The following SYNDIG1 variants were observed in gnomAD, a reference collection of about 807,000 sequenced individuals.
SYNDIG1 encodes the protein synapse differentiation inducing 1, also known as synapse differentiation-inducing gene protein 1.
Under a neutral mutation model 19.4 loss-of-function variants are expected in SYNDIG1, and 9 were observed. The observed-to-expected ratio is 0.46, with a 90% CI of 0.28 to 0.81. SYNDIG1 has a LOEUF of 0.81. Among genes scored for constraint, SYNDIG1 ranks in the 30% least tolerant of loss-of-function variants. The probability of loss-of-function intolerance (pLI) is 0.12; values close to 1 mark genes in which losing one functional copy is unlikely to be tolerated. For missense variants in SYNDIG1, 311 were observed against 343.3 expected (o/e 0.91, Z 0.74); for synonymous variants, 141 against 145.9 (o/e 0.97, Z 0.24).
intron 3 of SYNDIG1, among the ~76,000 whole-genome samples, chr20:24,637,879 C>T (rs2059331664): frequency 6.6e-6 from 1 of 152,228 alleles, no homozygotes; most frequent in Non-Finnish European, 1.5e-5. Flanking sequence ...CTGTAGACTC[C>T]TCTGTGTAGT....
intron 3 of SYNDIG1, among the ~76,000 whole-genome samples, chr20:24,651,101 AT>A (rs1425262824): frequency 2.6e-5 from 4 of 152,034 alleles, no homozygotes; most frequent in African/African-American, 7.3e-5. Flanking sequence ...GCCTCCTTAT[AT>A]TCATATGTGT....
At chr20:24,508,234 T>C (rs2056649491) in intron 1 of SYNDIG1, among the ~76,000 whole-genome samples, 2 of 129,494 alleles carry the variant, frequency 1.5e-5, no homozygotes, top group African/African-American at 5.8e-5. Context: ...TTTTTTTTTT[T>C]TTTTTTTTTT....
intron 2 of SYNDIG1, among the ~76,000 whole-genome samples, chr20:24,561,919 T>C (rs1023496884): frequency 1.3e-5 from 2 of 152,268 alleles, no homozygotes; most frequent in African/African-American, 4.8e-5. Context: ...AAAATTAAAT[T>C]ACTCATTTCT....
intron 2 of SYNDIG1, among the ~76,000 whole-genome samples, chr20:24,552,578 C>G (rs1369836562): frequency 6.6e-6 from 1 of 151,648 alleles, no homozygotes; most frequent in East Asian, 1.9e-4. Context: ...TTTGTCCTTG[C>G]AATAGTTTAC....
intron 1 of SYNDIG1, among the ~76,000 whole-genome samples, chr20:24,481,814 A>G (rs1027048864): frequency 6.6e-6 from 1 of 152,198 alleles, no homozygotes; most frequent in African/African-American, 2.4e-5. Flanking sequence ...AAGTCAATTT[A>G]TATCTCCCTA....
rs867374355 is a variant in SYNDIG1 at position 24,614,085 on chromosome 20, A to G, written c.618+29092A>G. ...TCACGGCTCATAGCAGCCTTGCCCT[A>G]TGGGGCTCAATTGATCCTCCTGCCT... On this transcript the variant is annotated intron_variant, in intron 3 of 3. Transcript: ENST00000376862. 2.6e-5 allele frequency among the ~76,000 whole-genome samples: 4 copies of G among 152,294 alleles called. No individual in the cohort carries two copies. In the South Asian group the frequency reaches 6.2e-4, roughly 24 times the overall value.
At chr20:24,531,234 G>C (rs959867661) in intron 1 of SYNDIG1, among the ~76,000 whole-genome samples, 1 of 152,036 alleles carries the variant, frequency 6.6e-6, no homozygotes, top group Non-Finnish European at 1.5e-5. Flanking sequence ...CAATATAATC[G>C]GCATTCGAGT....
At chr20:24,632,310 A>G (rs1421938033) in intron 3 of SYNDIG1, among the ~76,000 whole-genome samples, 1 of 152,230 alleles carries the variant, frequency 6.6e-6, no homozygotes, top group African/African-American at 2.4e-5. Context: ...TGCGATCACA[A>G]CTCACTGCAA....
At chr20:24,637,759 T>C (rs1019414875) in intron 3 of SYNDIG1, among the ~76,000 whole-genome samples, 5 of 152,178 alleles carry the variant, frequency 3.3e-5, no homozygotes, top group Non-Finnish European at 5.9e-5. Context: ...ACCAAGAGCC[T>C]CAGTCACCAC....
chr20:24,562,656 G>C (rs750212970), intron 2 of SYNDIG1, among the ~76,000 whole-genome samples: 3 of 152,142 alleles, frequency 2.0e-5, no homozygotes, highest in Non-Finnish European at 2.9e-5. Context: ...GATAAGAAAA[G>C]GGGTGCTGGC....
intron 1 of SYNDIG1, among the ~76,000 whole-genome samples, chr20:24,528,750 A>G (rs1488789184): frequency 1.3e-5 from 2 of 152,188 alleles, no homozygotes; most frequent in Non-Finnish European, 2.9e-5. Flanking sequence ...CATCCAAACC[A>G]TTAGCAGTGC....
At chr20:24,630,173 G>C (rs1478900358) in intron 3 of SYNDIG1, among the ~76,000 whole-genome samples, 3 of 151,314 alleles carry the variant, frequency 2.0e-5, no homozygotes, top group African/African-American at 7.3e-5. Flanking sequence ...GAAGCACAGA[G>C]TTGGTGCCCA....
chr20:24,590,947 A>G (rs1465534062), intron 3 of SYNDIG1, among the ~76,000 whole-genome samples: 1 of 152,154 alleles, frequency 6.6e-6, no homozygotes, highest in African/African-American at 2.4e-5. Flanking sequence ...GCAGAGCTGC[A>G]CTGCTGGGAC....
intron 1 of SYNDIG1, among the ~76,000 whole-genome samples, chr20:24,536,666 G>T (rs532237589): frequency 2.0e-5 from 3 of 152,250 alleles, no homozygotes; most frequent in Admixed American, 2.0e-4. Flanking sequence ...ACCTGAGAGG[G>T]ACAAGTGAGA....
At chr20:24,612,736 G>C (rs773617001) in intron 3 of SYNDIG1, among the ~76,000 whole-genome samples, 3 of 152,192 alleles carry the variant, frequency 2.0e-5, no homozygotes, top group Non-Finnish European at 4.4e-5. Context: ...CCAGCTCTTA[G>C]TGGTCCATAA....
intron 3 of SYNDIG1, among the ~76,000 whole-genome samples, chr20:24,592,529 G>A (rs575197351): frequency 1.3e-5 from 2 of 152,164 alleles, no homozygotes; most frequent in Non-Finnish European, 2.9e-5. Flanking sequence ...TTGTGTTCTT[G>A]AGCTGCCAGG....
chr20:24,489,737 G>A (rs1025803564), intron 1 of SYNDIG1, among the ~76,000 whole-genome samples: 1 of 152,256 alleles, frequency 6.6e-6, no homozygotes, highest in African/African-American at 2.4e-5. Flanking sequence ...GAATGTCACT[G>A]CGGCATGGAG....
intron 2 of SYNDIG1, among the ~76,000 whole-genome samples, chr20:24,550,321 A>G (rs1215699119): frequency 1.3e-5 from 2 of 149,492 alleles, no homozygotes; most frequent in Non-Finnish European, 3.0e-5. Flanking sequence ...TAATATACTG[A>G]TTTCGTTTCC....
At chr20:24,582,960 C>T (rs1437229190) in intron 2 of SYNDIG1, among the ~76,000 whole-genome samples, 1 of 152,170 alleles carries the variant, frequency 6.6e-6, no homozygotes, top group Non-Finnish European at 1.5e-5. Flanking sequence ...CCCTGCCCTG[C>T]AGGCTTGTTG....
Sources: allele counts gnomAD v4.1 joint callset (sites outside exome capture counted in the v4.1 genomes callset), GRCh38; gene constraint gnomAD v4.1.1; transcripts MANE v1.5; gene names NCBI Gene and HGNC (gene_info 2026-07-23, HGNC 2026-07-21).